The following TRPM3 variants were observed in gnomAD, a reference collection of about 807,000 sequenced individuals.
TRPM3 encodes the protein long transient receptor potential channel 3.
A neutral mutation model predicts 181.2 loss-of-function variants in TRPM3; 77 were observed. The ratio of observed to expected loss-of-function variants is 0.42; its 90% confidence interval spans 0.35 to 0.51. The LOEUF is 0.51. Among genes scored for constraint, TRPM3 ranks in the 20% least tolerant of loss-of-function variants. The pLI, the probability that TRPM3 is intolerant of heterozygous loss-of-function variation, is 0.01. For missense variants in TRPM3, 1,759 were observed against 2,196.7 expected (o/e 0.80, Z 3.98); for synonymous variants, 745 against 796.4 (o/e 0.94, Z 1.09).
chr9:71,110,055 G>C (rs2070717402), intron 1 of TRPM3, among the ~76,000 whole-genome samples: 2 of 152,048 alleles, frequency 1.3e-5, no homozygotes, highest in South Asian at 4.1e-4. Flanking sequence ...TTTAGAGGGA[G>C]AACAAGTATT....
Position 70,616,046 on chromosome 9 carries a change from T to C in TRPM3, c.2388A>G (p.Ser796=). The C allele has an allele frequency of 6.2e-7, 1 of 1,607,880 alleles. No individual in the cohort carries two copies. The highest frequency in any genetic ancestry group is 8.5e-7 in the Non-Finnish European group (1 of 1,177,850). ...TGTTCTTGAACTCCAAGCTGAGAAT[T>C]GAAGGAGGAAGTAGAATTCCCAGAA... ...KVILGILLPP[S]ILSLEFKNKD... Residue 796 remains serine (S), a synonymous_variant, in exon 18 of 26, where the codon TCA becomes TCG. Coordinates refer to ENST00000677713, the MANE Select transcript of TRPM3 (RefSeq NM_001366145.2).
chr9:71,345,983 C>T (rs1485691397), intron 1 of TRPM3, among the ~76,000 whole-genome samples: 2 of 152,126 alleles, frequency 1.3e-5, no homozygotes, highest in Non-Finnish European at 2.9e-5. Flanking sequence ...TTGTTTAGCA[C>T]ATTTTTCTTA....
intron 7 of TRPM3, chr9:70,776,237 A>T (rs1337456608): frequency 4.6e-6 from 2 of 432,754 alleles, no homozygotes; most frequent in Non-Finnish European, 8.1e-6. Context: ...CAAGGACTTT[A>T]AAAAAGTAAA....
chr9:71,188,937 G>A (rs1048860759), intron 1 of TRPM3, among the ~76,000 whole-genome samples: 19 of 151,884 alleles, frequency 1.3e-4, no homozygotes, highest in African/African-American at 4.6e-4. Context: ...ATATTCTTGT[G>A]ATATTTTGTG....
At chr9:70,644,898 T>C (rs1038599455) in intron 9 of TRPM3, among the ~76,000 whole-genome samples, 10 of 152,190 alleles carry the variant, frequency 6.6e-5, no homozygotes, top group Non-Finnish European at 1.3e-4. Context: ...ACCACAAGTA[T>C]TTCTATACCT....
chr9:71,381,763 C>T (rs2092806569), intron 1 of TRPM3, among the ~76,000 whole-genome samples: 1 of 152,140 alleles, frequency 6.6e-6, no homozygotes, highest in Non-Finnish European at 1.5e-5. Context: ...ATTCACAACA[C>T]TACACCACTT....
intron 21 of TRPM3, among the ~76,000 whole-genome samples, chr9:70,596,767 A>G (rs1230567650): frequency 6.6e-6 from 1 of 151,712 alleles, no homozygotes; most frequent in African/African-American, 2.4e-5. Flanking sequence ...AATGGCTCAT[A>G]CAATGGAAGT....
intron 1 of TRPM3, among the ~76,000 whole-genome samples, chr9:71,384,899 C>T (rs986716533): frequency 6.6e-6 from 1 of 152,072 alleles, no homozygotes; most frequent in East Asian, 1.9e-4. Context: ...GGCATTCATT[C>T]TTCAGTTAAT....
At chr9:70,553,416 C>G in intron 22 of TRPM3, 106 bp from the exon 23 acceptor site, 1 of 1,358,070 alleles carries the variant, frequency 7.4e-7, no homozygotes. Flanking sequence ...AAATATATAG[C>G]CATCTCAAAC....
At chr9:70,694,259 C>T (rs2069500484) in intron 8 of TRPM3, among the ~76,000 whole-genome samples, 1 of 152,106 alleles carries the variant, frequency 6.6e-6, no homozygotes, top group African/African-American at 2.4e-5. Context: ...TAATCACGTC[C>T]CTTTTCTAAA....
chr9:71,259,625 C>G (rs1236764284), intron 1 of TRPM3, among the ~76,000 whole-genome samples: 8 of 152,128 alleles, frequency 5.3e-5, no homozygotes, highest in African/African-American at 1.7e-4. Flanking sequence ...TTTTGATTTG[C>G]ATTTCTCTAA....
chr9:71,439,002 T>TA (rs1219771421), intron 1 of TRPM3, among the ~76,000 whole-genome samples: 1 of 152,172 alleles, frequency 6.6e-6, no homozygotes, highest in East Asian at 1.9e-4. Flanking sequence ...AATCCAGTAA[T>TA]AAAAATGCCA....
intron 1 of TRPM3, among the ~76,000 whole-genome samples, chr9:71,042,047 T>C (rs1418333193): frequency 1.3e-5 from 2 of 152,188 alleles, no homozygotes; most frequent in South Asian, 2.1e-4. Context: ...ATTTAATCCA[T>C]CCATCTTCCA....
intron 9 of TRPM3, among the ~76,000 whole-genome samples, chr9:70,679,818 A>AAT (rs1319163592): frequency 6.6e-6 from 1 of 152,146 alleles, no homozygotes; most frequent in Non-Finnish European, 1.5e-5. Flanking sequence ...ATTACTTTAA[A>AAT]ATATCTTTAT....
chr9:71,266,743 T>C (rs1346806057), intron 1 of TRPM3, among the ~76,000 whole-genome samples: 1 of 152,168 alleles, frequency 6.6e-6, no homozygotes, highest in Non-Finnish European at 1.5e-5. Flanking sequence ...ACTGAAACTT[T>C]ATGTCCATTG....
At position 71,342,310 on chromosome 9, in the gene TRPM3, T is replaced by C. The variant is rs373196163; in HGVS notation, c.183+104343A>G. Among the ~76,000 whole-genome samples the C allele has an allele frequency of 1.1e-4, 17 of 149,430 alleles. No homozygotes were observed. In the East Asian group the frequency reaches 2.3e-3, roughly 21 times the overall value. ...CTTTTACTCTTTTATTCAGCAATTC[T>C]ACCTCAAGAACTTTATCCTGAAAAC... On this transcript the variant is annotated intron_variant, in intron 1 of 24. Coordinates refer to the TRPM3 transcript ENST00000357533.
intron 5 of TRPM3, among the ~76,000 whole-genome samples, chr9:70,835,054 G>A (rs1359849857): frequency 3.9e-5 from 6 of 152,114 alleles, no homozygotes; most frequent in Admixed American, 3.9e-4. Flanking sequence ...GCACATGAGA[G>A]CTCTTTGTTT....
chr9:71,035,203 C>T (rs570611001), intron 1 of TRPM3, among the ~76,000 whole-genome samples: 3 of 152,164 alleles, frequency 2.0e-5, no homozygotes, highest in Non-Finnish European at 4.4e-5. Context: ...CTGCACTCAT[C>T]AAGTAACCAG....
intron 8 of TRPM3, among the ~76,000 whole-genome samples, chr9:70,695,583 C>T (rs183292728): frequency 3.3e-5 from 5 of 152,316 alleles, no homozygotes; most frequent in East Asian, 1.9e-4. Flanking sequence ...GTGCTAATTA[C>T]GCCTTGCCTG....
Sources: gnomAD v4.1 joint callset for allele counts (sites outside exome capture counted in the v4.1 genomes callset) on GRCh38, gnomAD v4.1.1 for gene constraint, MANE v1.5 for transcripts, NCBI Gene and HGNC (gene_info 2026-07-23, HGNC 2026-07-21) for gene names.